DMD: variants seen among roughly 807,000 people sequenced by gnomAD.
DMD encodes dystrophin.
DMD carries 63 observed loss-of-function variants against 330.1 expected under a neutral mutation model. That is an observed-to-expected ratio of 0.19 (90% CI 0.16 to 0.24). The LOEUF is 0.24. Ranked by LOEUF, DMD falls within the 10% of genes least tolerant of loss-of-function variation. DMD has a pLI of 1.00. For synonymous variants in DMD, 1,223 were observed against 959.8 expected (o/e 1.27, Z -5.07); for missense variants, 3,344 against 2,684.1 (o/e 1.25, Z -5.43).
intron 7 of DMD, among the ~76,000 whole-genome samples, chrX:32,744,463 CTG>C (rs1449807054): frequency 1.8e-5 from 2 of 111,314 alleles, no homozygotes; most frequent in African/African-American, 6.5e-5. Context: ...TGATTAAAAA[CTG>C]TGCACCTATC....
intron 1 of DMD, among the ~76,000 whole-genome samples, chrX:33,137,319 C>T (rs1165315894): frequency 9.0e-6 from 1 of 111,535 alleles, no homozygotes; most frequent in African/African-American, 3.3e-5. Flanking sequence ...TCATCAGAAG[C>T]ACTTAAGCAT....
chrX:31,968,459 G>T lies in DMD; in HGVS notation c.6494C>A (p.Thr2165Asn), dbSNP rs768712703. The change falls in exon 45 of 79, where the codon ACT becomes AAT. Residue 2165 changes from threonine (T) to asparagine (N), a missense_variant. Thr to Asn is a moderately conservative substitution (Grantham distance 65). Transcript: ENST00000357033. ...GGATTGCTGAATTATTTCTTCCCCA[G>T]TTGCATTCAATGTTCTGACAACAGT... ...RQTVVRTLNA[T>N]GEEIIQQSSK... The T allele has an allele frequency of 2.0e-5, 24 of 1,210,442 alleles. No individual in the cohort carries two copies. Among genetic ancestry groups the T allele is most frequent in the Non-Finnish European group, 2.7e-5 (24 of 894,764 alleles).
At chrX:32,724,072 T>A (rs1255939557) in intron 7 of DMD, among the ~76,000 whole-genome samples, 3 of 111,897 alleles carry the variant, frequency 2.7e-5, no homozygotes, top group Non-Finnish European at 5.7e-5. Context: ...TTTCAAATGA[T>A]GACAATTAGA....
At chrX:31,321,607 A>AAAAAAAAAAAAAAAAAAAAAG (rs1388525572) in intron 62 of DMD, among the ~76,000 whole-genome samples, 1 of 89,282 alleles carries the variant, frequency 1.1e-5, no homozygotes, top group African/African-American at 5.9e-5. Flanking sequence ...AAAAAAAAAA[A>AAAAAAAAAAAAAAAAAAAAAG]AAAGAAAGAA....
chrX:31,532,294 A>C (rs1376547822), intron 55 of DMD, among the ~76,000 whole-genome samples: 9 of 78,540 alleles, frequency 1.1e-4, no homozygotes, highest in Non-Finnish European at 1.8e-4. Context: ...TCTCGGCAGA[A>C]ACCCTACAAG....
At chrX:33,163,610 ATATC>A (rs1174420528) in intron 1 of DMD, among the ~76,000 whole-genome samples, 26 of 54,998 alleles carry the variant, frequency 4.7e-4, no homozygotes, top group Non-Finnish European at 7.8e-4. Flanking sequence ...ATATATATCT[ATATC>A]TATCTCTATC....
At chrX:32,389,223 C>T (rs1603632300) in intron 32 of DMD, among the ~76,000 whole-genome samples, 2 of 110,997 alleles carry the variant, frequency 1.8e-5, no homozygotes, top group Admixed American at 1.9e-4. Context: ...AATATATTTC[C>T]TTTCTAGATT....
intron 74 of DMD, among the ~76,000 whole-genome samples, chrX:31,155,033 T>C (rs1329362274): frequency 8.9e-6 from 1 of 112,278 alleles, no homozygotes; most frequent in East Asian, 2.8e-4. Context: ...GTTGTCTACA[T>C]ACAAATTTAC....
At chrX:33,196,464 C>A (rs1325670144) in intron 1 of DMD, among the ~76,000 whole-genome samples, 1 of 111,228 alleles carries the variant, frequency 9.0e-6, no homozygotes, top group Non-Finnish European at 1.9e-5. Flanking sequence ...GCAGCAATTA[C>A]AAGGTGGGAT....
chrX:32,486,246 A>C (rs1465452459), intron 20 of DMD, among the ~76,000 whole-genome samples: 1 of 111,526 alleles, frequency 9.0e-6, no homozygotes, highest in African/African-American at 3.3e-5. Flanking sequence ...AAATTACCAA[A>C]ATATGTTTAA....
chrX:32,473,095 A>T (rs770926939), intron 21 of DMD, among the ~76,000 whole-genome samples: 25 of 111,505 alleles, frequency 2.2e-4, no homozygotes, highest in African/African-American at 7.1e-4. Context: ...AAGCAGCCAC[A>T]TGGACTATAT....
intron 2 of DMD, among the ~76,000 whole-genome samples, chrX:32,974,568 T>C (rs2092483451): frequency 8.9e-6 from 1 of 111,784 alleles, no homozygotes; most frequent in Non-Finnish European, 1.9e-5. Context: ...CTGTGGCTTT[T>C]TGGAAGCAGA....
chrX:33,025,432 T>C (rs2093977800), intron 1 of DMD, among the ~76,000 whole-genome samples: 1 of 108,852 alleles, frequency 9.2e-6, no homozygotes, highest in Non-Finnish European at 1.9e-5. Flanking sequence ...TTCTCTGCCA[T>C]CAGATAAACA....
At chrX:32,835,234 G>C (rs1053291684) in intron 4 of DMD, among the ~76,000 whole-genome samples, 2 of 111,827 alleles carry the variant, frequency 1.8e-5, no homozygotes, top group African/African-American at 6.5e-5. Context: ...AAACAAAAGT[G>C]GGACAGGGCA....
chrX:32,402,845 C>A (rs763765969), intron 30 of DMD, among the ~76,000 whole-genome samples: 1 of 111,392 alleles, frequency 9.0e-6, no homozygotes, highest in Non-Finnish European at 1.9e-5. Context: ...TTATGGTAAA[C>A]GTAAGTGGCC....
At chrX:32,879,007 C>CAAAAAAAAAAAA (rs780431879) in intron 2 of DMD, among the ~76,000 whole-genome samples, 1 of 65,756 alleles carries the variant, frequency 1.5e-5, no homozygotes, top group Non-Finnish European at 2.9e-5. Flanking sequence ...GACTACGTCT[C>CAAAAAAAAAAAA]AAAAAAAAAA....
chrX:31,174,963 A>C (rs2040364431), intron 71 of DMD, among the ~76,000 whole-genome samples: 1 of 111,622 alleles, frequency 9.0e-6, no homozygotes, highest in Non-Finnish European at 1.9e-5. Flanking sequence ...AGAGGAAACA[A>C]AACGATGACT....
intron 63 of DMD, among the ~76,000 whole-genome samples, chrX:31,246,698 C>T (rs76579435): frequency 9.0e-6 from 1 of 111,687 alleles, no homozygotes; most frequent in African/African-American, 3.3e-5. Context: ...GAGGCTGAGG[C>T]GGGCAGATCA....
chrX:32,862,996 C>G (rs1197158884), intron 2 of DMD, among the ~76,000 whole-genome samples: 3 of 110,699 alleles, frequency 2.7e-5, no homozygotes, highest in African/African-American at 9.9e-5. Context: ...CTCAGCCTCC[C>G]AAAGTGCTGA....
Sources: gnomAD v4.1 joint callset for allele counts (sites outside exome capture counted in the v4.1 genomes callset) on GRCh38, gnomAD v4.1.1 for gene constraint, MANE v1.5 for transcripts, NCBI Gene and HGNC (gene_info 2026-07-23, HGNC 2026-07-21) for gene names.